ZNF184: variants seen among roughly 807,000 people sequenced by gnomAD.
ZNF184 encodes zinc finger protein 184 (Kruppel-like).
In ZNF184, 16 loss-of-function variants were observed where a neutral mutation model predicts 54.4. The ratio of observed to expected loss-of-function variants is 0.29; its 90% CI spans 0.20 to 0.45. The LOEUF is 0.45. ZNF184 is among the 20% of genes least tolerant of loss of function. ZNF184 has a pLI of 1.00. For missense variants in ZNF184, 681 were observed against 888.2 expected (o/e 0.77, Z 2.97); for synonymous variants, 254 against 295.3 (o/e 0.86, Z 1.43).
At chr6:27,430,139 T>C in the ZNF184 span, among the ~76,000 whole-genome samples, 1 of 152,196 alleles carries the variant, frequency 6.6e-6, no homozygotes, top group Admixed American at 6.5e-5. Flanking sequence ...AAATTTTCCT[T>C]CCTGTATAGG....
the ZNF184 span, among the ~76,000 whole-genome samples, chr6:27,442,348 G>T: frequency 6.4e-3 from 970 of 152,218 alleles, 11 homozygotes; most frequent in African/African-American, 0.021. Flanking sequence ...AGCCAAACAT[G>T]GTGACTCATG....
At chr6:27,421,520 G>A in the ZNF184 span, among the ~76,000 whole-genome samples, 2 of 152,140 alleles carry the variant, frequency 1.3e-5, no homozygotes, top group African/African-American at 4.8e-5. Context: ...ATTAGTATAT[G>A]ACACCACCTA....
chr6:27,452,696 A>G lies in ZNF184; in HGVS notation c.863T>C (p.Ile288Thr), dbSNP rs1415387225. 67 of 1,613,880 alleles carry G rather than the reference A, an allele frequency of 4.2e-5. No homozygotes were observed. Among genetic ancestry groups the G allele is most frequent in the Non-Finnish European group, 5.6e-5 (66 of 1,179,990 alleles). The change falls in exon 6 of 6, where the codon ATT (isoleucine) becomes ACT (threonine). Residue 288 changes from isoleucine to threonine, a missense_variant. Coordinates refer to ENST00000683788, the MANE Select transcript of ZNF184 (RefSeq NM_001318891.2). This position sits in a 1 kb window ranked among gnomAD's most constrained non-coding sequence, Gnocchi z 5.5. ...ATGTTGAGTAAGAGATGGACCCTCA[A>G]TGAAGCCTTTTCCACACTGATCACA... Reference protein sequence around the residue: ...YKCDQCGKGFIEGPSLTQHQR... With the variant: ...YKCDQCGKGFTEGPSLTQHQR...
chr6:27,417,930 T>G, the ZNF184 span, among the ~76,000 whole-genome samples: 2 of 152,204 alleles, frequency 1.3e-5, no homozygotes, highest in Non-Finnish European at 2.9e-5. Flanking sequence ...GCCTCACTAG[T>G]GTCATATGGA....
At chr6:27,434,462 ATCT>A in the ZNF184 span, among the ~76,000 whole-genome samples, 7 of 152,154 alleles carry the variant, frequency 4.6e-5, no homozygotes, top group Non-Finnish European at 1.0e-4. Flanking sequence ...TATACAGTAT[ATCT>A]TCTTTGGAAA....
chr6:27,431,526 T>C, the ZNF184 span, among the ~76,000 whole-genome samples: 2,103 of 152,280 alleles, frequency 0.014, 42 homozygotes, highest in African/African-American at 0.044. Flanking sequence ...GAAATGTTAA[T>C]GGATTGATTT....
At chr6:27,417,150 G>GA in the ZNF184 span, among the ~76,000 whole-genome samples, 1 of 151,828 alleles carries the variant, frequency 6.6e-6, no homozygotes, top group Non-Finnish European at 1.5e-5. Context: ...ATAGCAAAAA[G>GA]AAAAAAACAC....
the ZNF184 span, among the ~76,000 whole-genome samples, chr6:27,408,396 T>C: frequency 1.3e-5 from 2 of 152,094 alleles, no homozygotes; most frequent in Non-Finnish European, 2.9e-5. Context: ...AGGAGTGGAG[T>C]GAATGCCAAA....
At position 27,464,294 on chromosome 6, in the gene ZNF184, TAAC is replaced by T. The variant is rs769697930; in HGVS notation, c.75+3556_75+3558del. Among the ~76,000 whole-genome samples the T allele has an allele frequency of 5.9e-5, 9 of 152,212 alleles. No individual in the cohort carries two copies. The East Asian group carries it at 7.7e-4, about 13-fold the overall frequency. On this transcript the variant is annotated intron_variant, in intron 3 of 5. Coordinates refer to ENST00000683788, the MANE Select transcript of ZNF184 (RefSeq NM_001318891.2). Reference sequence around the variant, plus strand: ...AAGATAATTGGCTGCTTAAAGAAAATAACAACAAAGTATTATGGGATTTATAAC... The same window carrying T: ...AAGATAATTGGCTGCTTAAAGAAAATAACAAAGTATTATGGGATTTATAAC...
chr6:27,456,983 C>T, intron 4 of ZNF184, 62 bp from the exon 5 acceptor site: 1 of 1,420,524 alleles, frequency 7.0e-7, no homozygotes. Context: ...TATCAGAATT[C>T]AATCACCACT....
the ZNF184 span, among the ~76,000 whole-genome samples, chr6:27,434,301 T>C: frequency 1.3e-5 from 2 of 152,204 alleles, no homozygotes; most frequent in East Asian, 3.8e-4. Context: ...CAACAAAGCA[T>C]GGGTTGCAAT....
the ZNF184 span, among the ~76,000 whole-genome samples, chr6:27,438,943 A>G: frequency 2.0e-5 from 3 of 152,178 alleles, no homozygotes; most frequent in Admixed American, 1.3e-4. Flanking sequence ...CTATTATTTT[A>G]TCAATGTCTT....
At chr6:27,459,170 A>G (rs1369631307) in intron 3 of ZNF184, among the ~76,000 whole-genome samples, 1 of 152,228 alleles carries the variant, frequency 6.6e-6, no homozygotes, top group Non-Finnish European at 1.5e-5. Context: ...CTATAGCACT[A>G]TAGCGTGAAT....
the ZNF184 span, among the ~76,000 whole-genome samples, chr6:27,438,748 C>T: frequency 8.0e-4 from 122 of 152,208 alleles, 3 homozygotes; most frequent in Admixed American, 5.8e-3. Flanking sequence ...GTTTTAGATG[C>T]TTCTAAATAT....
At chr6:27,413,595 T>C in the ZNF184 span, among the ~76,000 whole-genome samples, 1 of 152,236 alleles carries the variant, frequency 6.6e-6, no homozygotes, top group Non-Finnish European at 1.5e-5. Context: ...TCTTTTGATA[T>C]TTTAAATAAA....
chr6:27,425,631 A>C, the ZNF184 span, among the ~76,000 whole-genome samples: 1 of 152,194 alleles, frequency 6.6e-6, no homozygotes, highest in Non-Finnish European at 1.5e-5. Flanking sequence ...TCTGCAATAA[A>C]CTTAAAAAAA....
At chr6:27,448,526 C>A (rs139475402), downstream of ZNF184, among the ~76,000 whole-genome samples, 284 of 152,274 alleles carry the variant, frequency 1.9e-3, no homozygotes, top group South Asian at 0.016. Context: ...TAAATCCTTA[C>A]CATAGCCAAG....
chr6:27,424,997 A>G, the ZNF184 span, among the ~76,000 whole-genome samples: 3 of 152,356 alleles, frequency 2.0e-5, no homozygotes, highest in South Asian at 4.1e-4. Context: ...AGGCCGGGTG[A>G]GAAATCGAGC....
chr6:27,465,302 G>C (rs1763103848), intron 3 of ZNF184, among the ~76,000 whole-genome samples: 2 of 151,250 alleles, frequency 1.3e-5, no homozygotes, highest in Admixed American at 1.3e-4. Flanking sequence ...GGCTAACACA[G>C]GGAAACCCTG....
Sources: gnomAD v4.1 joint callset for allele counts (sites outside exome capture counted in the v4.1 genomes callset) on GRCh38, gnomAD v4.1.1 for gene constraint, Gnocchi (gnomAD v3.1) non-coding constraint, MANE v1.5 for transcripts, NCBI Gene and HGNC (gene_info 2026-07-23, HGNC 2026-07-21) for gene names.